TRPC3: variants seen among roughly 807,000 people sequenced by gnomAD.
TRPC3 encodes the protein transient receptor potential cation channel subfamily C member 3, also known as short transient receptor potential channel 3.
Under a neutral mutation model 90.9 loss-of-function variants are expected in TRPC3, and 54 were observed. The observed-to-expected ratio is 0.59, with a 90% CI of 0.48 to 0.75. TRPC3 has a LOEUF of 0.75. TRPC3 is among the 30% of genes least tolerant of loss of function. TRPC3 has a pLI of 0.00. For missense variants in TRPC3, 918 were observed against 1,194.5 expected (o/e 0.77, Z 3.41); for synonymous variants, 424 against 450.9 (o/e 0.94, Z 0.75).
chr4:121,906,579 C>T (rs1414113245), intron 7 of TRPC3, among the ~76,000 whole-genome samples: 1 of 152,066 alleles, frequency 6.6e-6, no homozygotes, highest in Non-Finnish European at 1.5e-5. Context: ...AGAGTACTTA[C>T]TGAGTGTATA....
intron 10 of TRPC3, 57 bp downstream of exon 10, chr4:121,899,555 A>G: frequency 7.0e-7 from 1 of 1,418,962 alleles, no homozygotes; most frequent in Non-Finnish European, 1.0e-6. Context: ...ACAAACACAC[A>G]CGCAGACATA....
chr4:121,894,410 G>A (rs1728438156), intron 10 of TRPC3, among the ~76,000 whole-genome samples: 1 of 151,698 alleles, frequency 6.6e-6, no homozygotes, highest in South Asian at 2.1e-4. Flanking sequence ...TAATAGTTGG[G>A]AACTTCAACC....
rs72919944 is a variant in TRPC3, at chr4:121,896,481, T to A, written c.2547+3131A>T. Among the ~76,000 whole-genome samples the A allele has an allele frequency of 4.2e-3, 635 of 152,004 alleles. 3 individuals are homozygous for A. Among genetic ancestry groups the A allele is most frequent in the African/African-American group, 0.015 (616 of 41,486 alleles). ...TCAGTAAAGTAGCAGAATACAAAATTAACATACAAAAATCAGTTGCATTTC... is the reference window on the plus strand; with the variant it reads ...TCAGTAAAGTAGCAGAATACAAAATAAACATACAAAAATCAGTTGCATTTC... On this transcript the variant is annotated intron_variant, in intron 10 of 11. Coordinates refer to ENST00000379645, the MANE Select transcript of TRPC3 (RefSeq NM_001130698.2).
intron 1 of TRPC3, among the ~76,000 whole-genome samples, chr4:121,938,101 C>T (rs1730191930): frequency 6.6e-6 from 1 of 151,918 alleles, no homozygotes; most frequent in African/African-American, 2.4e-5. Flanking sequence ...ATAGTACAGT[C>T]ATGTTTTATT....
rs766616563 is a variant in TRPC3 at position 121,914,927 on chromosome 4, G to A, written c.1194C>T (p.Asn398=). 3.1e-6 allele frequency: 5 copies of A among 1,607,176 alleles called. No individual in the cohort carries two copies. The highest frequency in any genetic ancestry group is 1.1e-5 in the South Asian group (1 of 90,500). The change falls in exon 4 of 12, where the codon AAC becomes AAT. Residue 398 remains asparagine (N), a synonymous_variant. Transcript: ENST00000379645. The part of the protein sequence containing the change: ...YEVKKFVAHP[N]CQQQLLTIWY... ...AGATCGTCAAGAGCTGCTGCTGGCA[G>A]TTGGGATGAGCCACAAACTATTGGG...
In TRPC3 at chr4:121,910,207, T is replaced by C. The variant is rs756946767; in HGVS notation, c.1739A>G (p.Glu580Gly). 8 of 1,613,804 alleles carry C rather than the reference T, an allele frequency of 5.0e-6. No individual in the cohort carries two copies. The South Asian group carries it at 8.8e-5, about 18-fold the overall frequency. Reference protein sequence around the residue: ...AQQYVDSYVQESDLSEVTLPP... With the variant: ...AQQYVDSYVQGSDLSEVTLPP... Reference sequence around the variant, plus strand: ...GAGTGTCACTTCACTGAGGTCACTCTCTTGGACGTAACTGTCCACATACTG... The same window carrying C: ...GAGTGTCACTTCACTGAGGTCACTCCCTTGGACGTAACTGTCCACATACTG... The change falls in exon 6 of 12, where the codon GAG (glutamate) becomes GGG (glycine). Residue 580 changes from glutamate to glycine, a missense_variant. Glu to Gly is a moderately conservative substitution (Grantham distance 98). Around this residue, in one of 4 missense-constraint regions of TRPC3, gnomAD observed 147 missense variants for 263.5 expected, o/e 0.56. Transcript: ENST00000379645.
At position 121,875,853 on chromosome 4, in the gene TRPC3, T is replaced by C. The variant is rs1166955872; in HGVS notation, c.*3883A>G. Among the ~76,000 whole-genome samples, 3 of 151,902 alleles carry C rather than the reference T, an allele frequency of 2.0e-5. No individual in the cohort carries two copies. Among genetic ancestry groups the C allele is most frequent in the Non-Finnish European group, 4.4e-5 (3 of 67,982 alleles). ...TAAATTTAGAAATTCTCAAACTCTTTTTTAAACTGAACAAAGTTATAAATA... is the reference window on the plus strand; with the variant it reads ...TAAATTTAGAAATTCTCAAACTCTTCTTTAAACTGAACAAAGTTATAAATA... On this transcript the variant is annotated 3_prime_UTR_variant, in exon 12 of 12. Transcript: ENST00000379645.
chr4:121,880,097 G>A (rs2149102065), intron 11 of TRPC3, among the ~76,000 whole-genome samples: 1 of 152,160 alleles, frequency 6.6e-6, no homozygotes, highest in South Asian at 2.1e-4. Context: ...ATTTTTTAAA[G>A]TAACACTCAG....
chr4:121,922,518 A>G (rs1324173463), intron 3 of TRPC3, among the ~76,000 whole-genome samples: 2 of 152,232 alleles, frequency 1.3e-5, no homozygotes, highest in African/African-American at 4.8e-5. Flanking sequence ...CCAATTTATT[A>G]CTAACGACAC....
At chr4:121,939,782 T>C (rs1357477534) in intron 1 of TRPC3, among the ~76,000 whole-genome samples, 1 of 152,176 alleles carries the variant, frequency 6.6e-6, no homozygotes, top group Non-Finnish European at 1.5e-5. Flanking sequence ...TCTGGGTTTC[T>C]AACAAAAGAA....
At position 121,932,347 on chromosome 4, in the gene TRPC3, C is replaced by A. The variant is rs1356538027; in HGVS notation, c.911G>T (p.Ser304Ile). ...LASPAYLSLS[S>I]EDPVLTALEL... is the part of the protein sequence containing the mutation. Reference sequence around the variant, plus strand: ...TAGGGCCGTAAGCACCGGGTCCTCGCTGGACAATGAGAGGTAAGCCGGGCT... The same window carrying A: ...TAGGGCCGTAAGCACCGGGTCCTCGATGGACAATGAGAGGTAAGCCGGGCT... The change falls in exon 2 of 12, where the codon AGC becomes ATC. Residue 304 changes from serine to isoleucine, a missense_variant. Ser to Ile is a moderately radical substitution (Grantham distance 142). Coordinates refer to ENST00000379645, the MANE Select transcript of TRPC3 (RefSeq NM_001130698.2). The surrounding 1 kb of genome is among the most constrained non-coding windows in gnomAD (Gnocchi z 7.7). The A allele has an allele frequency of 6.2e-7, 1 of 1,614,052 alleles. No homozygotes were observed. The highest frequency in any genetic ancestry group is 8.5e-7 in the Non-Finnish European group (1 of 1,180,046).
intron 2 of TRPC3, among the ~76,000 whole-genome samples, chr4:121,925,523 G>C (rs1279097849): frequency 1.3e-5 from 2 of 152,210 alleles, no homozygotes; most frequent in African/African-American, 4.8e-5. Flanking sequence ...CAGGGGGCGG[G>C]AGTAGGAGGT....
chr4:121,897,527 C>T (rs1728560974), intron 10 of TRPC3, among the ~76,000 whole-genome samples: 1 of 95,064 alleles, frequency 1.1e-5, no homozygotes, highest in Admixed American at 1.0e-4. Flanking sequence ...TCTGAACAGA[C>T]ATTTCTCAAA....
chr4:121,895,648 A>G lies in TRPC3; in HGVS notation c.2547+3964T>C, dbSNP rs530886292. ...CAAGATTGAACCAAGAAGAAATAGAAAATCTAAACAGACCAAAAACAGGTA... is the reference window on the plus strand; with the variant it reads ...CAAGATTGAACCAAGAAGAAATAGAGAATCTAAACAGACCAAAAACAGGTA... On this transcript the variant is annotated intron_variant, in intron 10 of 11. Transcript: ENST00000379645. Among the ~76,000 whole-genome samples the G allele has an allele frequency of 1.1e-3, 161 of 152,250 alleles. 1 individual carries two copies. The highest frequency in any genetic ancestry group is 2.5e-3 in the South Asian group (12 of 4,828).
At chr4:121,941,936 A>G (rs1293343211) in intron 1 of TRPC3, among the ~76,000 whole-genome samples, 6 of 152,212 alleles carry the variant, frequency 3.9e-5, no homozygotes, top group Non-Finnish European at 8.8e-5. Flanking sequence ...CTGTCTAGTT[A>G]GAGAGTACAT....
Position 121,879,807 on chromosome 4 carries a change from T to G in TRPC3, c.2695A>C (p.Thr899Pro), listed in dbSNP as rs1440271038. 1 of 1,608,238 alleles carries G rather than the reference T, an allele frequency of 6.2e-7. No individual in the cohort carries two copies. ...YELLEDKSQA[T>P]EELAILIHKL... The stretch of plus-strand genomic sequence containing the variant: ...TGAATTAGAATGGCTAATTCCTCAG[T>G]TGCTTGGCTCTTGTCTTCCAAAAGT... The change falls in exon 12 of 12, where the codon ACT becomes CCT. Residue 899 changes from threonine (T) to proline (P), a missense_variant. Coordinates refer to ENST00000379645, the MANE Select transcript of TRPC3 (RefSeq NM_001130698.2).
At chr4:121,939,770 T>G (rs1379828200) in intron 1 of TRPC3, among the ~76,000 whole-genome samples, 1 of 152,176 alleles carries the variant, frequency 6.6e-6, no homozygotes, top group Admixed American at 6.5e-5. Flanking sequence ...TGAGGGAGCA[T>G]ATCTGGGTTT....
intron 6 of TRPC3, 85 bp from the exon 7 acceptor site, chr4:121,907,652 T>A (rs1003390981): frequency 7.0e-7 from 1 of 1,429,128 alleles, no homozygotes; most frequent in African/African-American, 1.4e-5. Flanking sequence ...ATAGGATCTA[T>A]CTTGTAGGTA....
At chr4:121,928,053 A>C (rs1206659660) in intron 2 of TRPC3, among the ~76,000 whole-genome samples, 3 of 152,182 alleles carry the variant, frequency 2.0e-5, no homozygotes, top group African/African-American at 7.2e-5. Context: ...GATTTGGTAC[A>C]ACATAGGGTG....
Sources: allele counts gnomAD v4.1 joint callset (sites outside exome capture counted in the v4.1 genomes callset), GRCh38; gene constraint gnomAD v4.1.1; regional missense constraint gnomAD v4.1.1; non-coding constraint Gnocchi (gnomAD v3.1); transcripts MANE v1.5; gene names NCBI Gene and HGNC (gene_info 2026-07-23, HGNC 2026-07-21).